FZR1: variants seen among roughly 807,000 people sequenced by gnomAD.
FZR1 encodes the protein fizzy-related protein homolog.
FZR1 carries 11 observed loss-of-function variants against 63.6 expected under a neutral mutation model. That is an observed-to-expected ratio of 0.17 (90% CI 0.11 to 0.29). FZR1 has a LOEUF of 0.29. FZR1 is among the 10% of genes least tolerant of loss of function. FZR1 has a pLI of 1.00. For synonymous variants in FZR1, 328 were observed against 297.9 expected, an observed-to-expected ratio of 1.10 and a Z score of -1.04; for missense variants, 440 against 687.5, an observed-to-expected ratio of 0.64 and a Z score of 4.03.
rs2083046309 is a variant in FZR1, at chr19:3,514,703, T to G, written c.-35+8229T>G. Among the ~76,000 whole-genome samples the G allele has an allele frequency of 6.6e-6, 1 of 152,054 alleles. No homozygotes were observed. Among genetic ancestry groups the G allele is most frequent in the Non-Finnish European group, 1.5e-5 (1 of 67,974 alleles). Reference sequence around the variant, plus strand: ...ATCTCAGGAGCTGGAGTCCCCCTGGTTTGTGCTGTCTGCCCCATCGGAGGC... The same window carrying G: ...ATCTCAGGAGCTGGAGTCCCCCTGGGTTGTGCTGTCTGCCCCATCGGAGGC... On this transcript the variant is annotated intron_variant, in intron 1 of 13. Transcript: ENST00000441788. This position sits in a 1 kb window ranked among gnomAD's most constrained non-coding sequence, Gnocchi z 4.2.
In FZR1 at chr19:3,525,848, C is replaced by A; in HGVS notation, c.70-20C>A. The A allele has an allele frequency of 6.2e-7, 1 of 1,608,342 alleles. No individual in the cohort carries two copies. Among genetic ancestry groups the A allele is most frequent in the East Asian group, 2.2e-5 (1 of 44,864 alleles). ...GGGGCTCTCGGTGCTGAGAGCAAGC[C>A]CTCTGCTGATGCCCTTCAGGTCACA... is the stretch of plus-strand genomic sequence containing the variant. On this transcript the variant is annotated intron_variant, in intron 2 of 13. Coordinates refer to ENST00000441788, the MANE Select transcript of FZR1 (RefSeq NM_016263.4). The surrounding 1 kb of genome is among the most constrained non-coding windows in gnomAD (Gnocchi z 4.2).
intron 1 of FZR1, among the ~76,000 whole-genome samples, chr19:3,511,990 C>A (rs2083027806): frequency 6.6e-6 from 1 of 152,200 alleles, no homozygotes; most frequent in Non-Finnish European, 1.5e-5. Flanking sequence ...GGTCCAGAGT[C>A]CACCTCTCCC....
chr19:3,531,672 C>T, intron 8 of FZR1, 42 bp from the exon 9 acceptor site: 1 of 1,408,078 alleles, frequency 7.1e-7, no homozygotes, highest in East Asian at 2.5e-5. Flanking sequence ...AGTCCCCGGG[C>T]CAGACCTGAC....
At position 3,517,973 on chromosome 19, in the gene FZR1, A is replaced by G. The variant is rs147894944; in HGVS notation, c.-34-4983A>G. Among the ~76,000 whole-genome samples, 12 of 146,954 alleles carry G rather than the reference A, an allele frequency of 8.2e-5. No individual in the cohort carries two copies. The East Asian group carries it at 2.0e-3, about 25-fold the overall frequency. On this transcript the variant is annotated intron_variant, in intron 1 of 13. Transcript: ENST00000441788. ...CCTCAGCCTCCTGAGTCCTGGGACTACAGATGTATGCCACCACACCCAGCT... is the reference window on the plus strand; with the variant it reads ...CCTCAGCCTCCTGAGTCCTGGGACTGCAGATGTATGCCACCACACCCAGCT...
At chr19:3,528,920 G>A (rs1450044910) in intron 7 of FZR1, among the ~76,000 whole-genome samples, 1 of 151,406 alleles carries the variant, frequency 6.6e-6, no homozygotes, top group Non-Finnish European at 1.5e-5. Flanking sequence ...TTGAGTGGAT[G>A]GGAGAGTGTA....
Position 3,533,674 on chromosome 19 carries a change from G to A in FZR1, c.1347+276G>A, listed in dbSNP as rs886980386. On this transcript the variant is annotated intron_variant, in intron 12 of 13. Transcript: ENST00000441788. The surrounding 1 kb of genome is among the most constrained non-coding windows in gnomAD (Gnocchi z 4.9). Reference sequence around the variant, plus strand: ...GTTTATTTTCCCCATAAAGAGGGGTGAAGAGGAAAGCCAAAACCAACTCAC... The same window carrying A: ...GTTTATTTTCCCCATAAAGAGGGGTAAAGAGGAAAGCCAAAACCAACTCAC... 2.4e-6 allele frequency: 1 copy of A among 424,032 alleles called. No individual in the cohort carries two copies. Among genetic ancestry groups the A allele is most frequent in the Admixed American group, 4.0e-5 (1 of 25,144 alleles). 26.3% of individuals were successfully genotyped at this position (424,032 alleles called of 1,614,324 possible).
chr19:3,526,087 T>G lies in FZR1; in HGVS notation c.196-33T>G, dbSNP rs754337303. 2 of 1,612,242 alleles carry G rather than the reference T, an allele frequency of 1.2e-6. No individual in the cohort carries two copies. Among genetic ancestry groups the G allele is most frequent in the East Asian group, 4.5e-5 (2 of 44,864 alleles). On this transcript the variant is annotated intron_variant, in intron 3 of 13. Transcript: ENST00000441788. This position sits in a 1 kb window ranked among gnomAD's most constrained non-coding sequence, Gnocchi z 5.4. ...CTAGGGCCGGGAACAAGCGGGCTCC[T>G]CGACCCCTCCCTCTCTGCTCTCCTG...
At chr19:3,524,285 C>T (rs906464376) in intron 2 of FZR1, among the ~76,000 whole-genome samples, 30 of 152,330 alleles carry the variant, frequency 2.0e-4, no homozygotes, top group African/African-American at 6.3e-4. Context: ...GGATCCAGCA[C>T]CCTCCATCCA....
In FZR1 at chr19:3,516,321, C is replaced by T. The variant is rs368305337; in HGVS notation, c.-34-6635C>T. On this transcript the variant is annotated intron_variant, in intron 1 of 13. Transcript: ENST00000441788. The surrounding 1 kb of genome is among the most constrained non-coding windows in gnomAD (Gnocchi z 6.0). ...AGGGAGGACTGGTCCTTTCCCAGTG[C>T]GGTTTGTTGGTGTCCTTTGCTACTT... 9.2e-5 allele frequency among the ~76,000 whole-genome samples: 14 copies of T among 152,256 alleles called. No individual in the cohort carries two copies. The South Asian group carries it at 1.9e-3, about 20-fold the overall frequency.
At chr19:3,518,820 A>T (rs1252167728) in intron 1 of FZR1, among the ~76,000 whole-genome samples, 1 of 152,194 alleles carries the variant, frequency 6.6e-6, no homozygotes, top group African/African-American at 2.4e-5. Flanking sequence ...ACCATGATCA[A>T]ACTACTGCAT....
intron 1 of FZR1, among the ~76,000 whole-genome samples, chr19:3,509,704 G>A (rs1201967658): frequency 3.3e-5 from 5 of 152,156 alleles, no homozygotes; most frequent in Non-Finnish European, 5.9e-5. Flanking sequence ...ATCCCACATT[G>A]TGTGGCCTTT....
At position 3,526,473 on chromosome 19, in the gene FZR1, C is replaced by CCGAGCCCGGTTCT. The variant is rs1389333025; in HGVS notation, c.387+90_387+102dup. On this transcript the variant is annotated intron_variant, in intron 5 of 13. Transcript: ENST00000441788. This position sits in a 1 kb window ranked among gnomAD's most constrained non-coding sequence, Gnocchi z 5.4. ...CCTCCCAGGCACCAGCTCTGCCTCCCCGAGCCCGGTTCTCGGGCCCAGCCA... is the reference window on the plus strand; with the variant it reads ...CCTCCCAGGCACCAGCTCTGCCTCCCCGAGCCCGGTTCTCGAGCCCGGTTCTCGGGCCCAGCCA... 1 of 1,132,370 alleles carries CCGAGCCCGGTTCT rather than the reference C, an allele frequency of 8.8e-7. No individual in the cohort carries two copies. The highest frequency in any genetic ancestry group is 1.5e-5 in the African/African-American group (1 of 65,304). 70.1% of individuals were successfully genotyped at this position (1,132,370 alleles called of 1,614,324 possible).
At chr19:3,507,762 C>G (rs2082995681) in intron 1 of FZR1, among the ~76,000 whole-genome samples, 2 of 152,338 alleles carry the variant, frequency 1.3e-5, no homozygotes, top group South Asian at 4.1e-4. Flanking sequence ...TAGGTTTGGT[C>G]CCCGGAGTGG....
rs565525622 is a variant in FZR1, at chr19:3,520,983, G to A, written c.-34-1973G>A. 3.3e-5 allele frequency among the ~76,000 whole-genome samples: 5 copies of A among 152,336 alleles called. No homozygotes were observed. The East Asian group carries it at 7.7e-4, about 24-fold the overall frequency. On this transcript the variant is annotated intron_variant, in intron 1 of 13. Transcript: ENST00000441788. Reference sequence around the variant, plus strand: ...CCCTCCCAGGTCTTTTGTGTCTGGTGTCTCTCACAGGGTGCAACGTCCTCA... The same window carrying A: ...CCCTCCCAGGTCTTTTGTGTCTGGTATCTCTCACAGGGTGCAACGTCCTCA...
At chr19:3,524,035 A>T (rs1331001098) in intron 2 of FZR1, among the ~76,000 whole-genome samples, 1 of 152,238 alleles carries the variant, frequency 6.6e-6, no homozygotes, top group Non-Finnish European at 1.5e-5. Flanking sequence ...GGACAGGGCC[A>T]CTGCAGAAGA....
In FZR1 at chr19:3,530,817, T is replaced by G; in HGVS notation, c.680T>G (p.Val227Gly). ...GTGACGCGGCTCTGTGACCTCTCAG[T>G]GGAAGGGGACTCAGTGACCTCCGTG... ...SQVTRLCDLSVEGDSVTSVGW... is the reference protein window; with the variant it reads ...SQVTRLCDLSGEGDSVTSVGW... The change falls in exon 8 of 14, where the codon GTG (valine) becomes GGG (glycine). Residue 227 changes from valine (V) to glycine (G), a missense_variant. Val to Gly is a moderately radical substitution (Grantham distance 109). This residue lies in a region of FZR1 where 208 missense variants were observed against 363.6 expected (regional missense o/e 0.57). Coordinates refer to ENST00000441788, the MANE Select transcript of FZR1 (RefSeq NM_016263.4). The G allele has an allele frequency of 6.2e-7, 1 of 1,613,072 alleles. No homozygotes were observed. Among genetic ancestry groups the G allele is most frequent in the Non-Finnish European group, 8.5e-7 (1 of 1,179,690 alleles).
In FZR1 at chr19:3,533,536, C is replaced by T. The variant is rs1340486989; in HGVS notation, c.1347+138C>T. 2.7e-5 allele frequency: 17 copies of T among 618,884 alleles called. No individual in the cohort carries two copies. Among genetic ancestry groups the T allele is most frequent in the Non-Finnish European group, 4.7e-5 (16 of 341,794 alleles). 38.3% of individuals were successfully genotyped at this position (618,884 alleles called of 1,614,324 possible). A position where few individuals can be genotyped will look rare whatever the true frequency, so the allele number is the denominator to read the frequency against. On this transcript the variant is annotated intron_variant, in intron 12 of 13. Transcript: ENST00000441788. The surrounding 1 kb of genome is among the most constrained non-coding windows in gnomAD (Gnocchi z 4.9). ...CCCCGTGGGACCCAGCAGCAGGGGC[C>T]GGCAGGGCATCTGGTGCTGGTTGTG...
At chr19:3,507,883 G>A (rs2082996844) in intron 1 of FZR1, among the ~76,000 whole-genome samples, 1 of 152,270 alleles carries the variant, frequency 6.6e-6, no homozygotes, top group Admixed American at 6.5e-5. Context: ...ATCCCAAGTG[G>A]AGGCAGGTGT....
In FZR1 at chr19:3,533,290, C is replaced by G. The variant is rs372489003; in HGVS notation, c.1243-4C>G. 11 of 1,596,094 alleles carry G rather than the reference C, an allele frequency of 6.9e-6. No individual in the cohort carries two copies. The African/African-American group carries it at 8.0e-5, about 12-fold the overall frequency. On this transcript the variant is annotated splice_region_variant and splice_polypyrimidine_tract_variant and intron_variant, in intron 11 of 13. Coordinates refer to ENST00000441788, the MANE Select transcript of FZR1 (RefSeq NM_016263.4). The surrounding 1 kb of genome is among the most constrained non-coding windows in gnomAD (Gnocchi z 4.9). ...CCGACCGCAGCGCCCCCTCCGCCCT[C>G]CAGGTGAGCACGCACGGCTACTCAC...
Sources: allele counts gnomAD v4.1 joint callset (sites outside exome capture counted in the v4.1 genomes callset), GRCh38; gene constraint gnomAD v4.1.1; regional missense constraint gnomAD v4.1.1; non-coding constraint Gnocchi (gnomAD v3.1); transcripts MANE v1.5; gene names NCBI Gene and HGNC (gene_info 2026-07-23, HGNC 2026-07-21).